ZFHX3: variants seen among roughly 807,000 people sequenced by gnomAD.
ZFHX3 encodes the protein zinc finger homeobox 3.
ZFHX3 carries 42 observed loss-of-function variants against 279.1 expected under a neutral mutation model. The ratio of observed to expected loss-of-function variants is 0.15; its 90% confidence interval spans 0.12 to 0.19. The LOEUF (loss-of-function observed/expected upper bound fraction) is 0.19. Among genes scored for constraint, ZFHX3 ranks in the 10% least tolerant of loss-of-function variants. The pLI, the probability that ZFHX3 is intolerant of heterozygous loss-of-function variation, is 1.00. For synonymous variants in ZFHX3, 2,293 were observed against 1,957.8 expected (o/e 1.17, Z -4.52); for missense variants, 4,981 against 4,754.0 (o/e 1.05, Z -1.40).
At chr16:73,221,785 T>C (rs915729628) in intron 5 of ZFHX3, among the ~76,000 whole-genome samples, 3 of 152,086 alleles carry the variant, frequency 2.0e-5, no homozygotes, top group African/African-American at 7.2e-5. Context: ...AACTATAAAG[T>C]ACTATTCAAA....
intron 1 of ZFHX3, among the ~76,000 whole-genome samples, chr16:73,022,888 A>G (rs1597102998): frequency 2.0e-5 from 3 of 151,744 alleles, no homozygotes; most frequent in African/African-American, 4.8e-5. Context: ...TTTTTTCAAG[A>G]GAAGGTTTTA....
At chr16:73,831,896 G>A (rs1274758409) in intron 1 of ZFHX3, among the ~76,000 whole-genome samples, 2 of 152,036 alleles carry the variant, frequency 1.3e-5, no homozygotes, top group Non-Finnish European at 2.9e-5. Flanking sequence ...AGTTTCATCT[G>A]GCTTCTTTGT....
chr16:73,115,250 C>T lies in ZFHX3; in HGVS notation c.-897+15718G>A, dbSNP rs984557315. On this transcript the variant is annotated intron_variant, in intron 7 of 17. Transcript: ENST00000641206. ...AAGGTCTACCACTGCCCCAAGATTACGGGGTCCAGGCCAGGCGTGATGGCT... is the reference window on the plus strand; with the variant it reads ...AAGGTCTACCACTGCCCCAAGATTATGGGGTCCAGGCCAGGCGTGATGGCT... Among the ~76,000 whole-genome samples, 21 of 151,652 alleles carry T rather than the reference C, an allele frequency of 1.4e-4. 2 individuals are homozygous for T. The highest frequency in any genetic ancestry group is 1.9e-4 in the East Asian group (1 of 5,158).
At chr16:73,197,589 T>A (rs960235351) in intron 5 of ZFHX3, among the ~76,000 whole-genome samples, 7 of 152,226 alleles carry the variant, frequency 4.6e-5, no homozygotes, top group Non-Finnish European at 1.0e-4. Context: ...ATCTGGATAT[T>A]TCAGAGAAAA....
intron 1 of ZFHX3, among the ~76,000 whole-genome samples, chr16:72,977,415 C>T (rs1447639155): frequency 6.6e-6 from 1 of 152,136 alleles, no homozygotes. Flanking sequence ...CGCATGCTCA[C>T]GACACATGCT....
chr16:73,031,319 T>A (rs1334912505), intron 1 of ZFHX3, among the ~76,000 whole-genome samples: 2 of 151,976 alleles, frequency 1.3e-5, no homozygotes, highest in East Asian at 3.9e-4. Context: ...CAAACCCAAA[T>A]GTTCACACCA....
intron 3 of ZFHX3, among the ~76,000 whole-genome samples, chr16:72,946,254 T>G (rs1267596540): frequency 1.3e-5 from 2 of 152,200 alleles, no homozygotes; most frequent in East Asian, 3.9e-4. Flanking sequence ...AGAGTTGGCT[T>G]GGACACTGGC....
intron 7 of ZFHX3, among the ~76,000 whole-genome samples, chr16:73,121,679 G>T (rs1032864859): frequency 6.7e-6 from 1 of 148,554 alleles, no homozygotes; most frequent in Admixed American, 6.7e-5. Context: ...GCAGTGGCTC[G>T]ATCTCGGCTC....
At chr16:72,792,723 T>C (rs2035754199) in intron 9 of ZFHX3, among the ~76,000 whole-genome samples, 1 of 152,218 alleles carries the variant, frequency 6.6e-6, no homozygotes, top group South Asian at 2.1e-4. Context: ...GTGCTGGGAT[T>C]ACAGGCATGA....
At chr16:73,184,465 T>G (rs1419204168) in intron 5 of ZFHX3, among the ~76,000 whole-genome samples, 1 of 152,216 alleles carries the variant, frequency 6.6e-6, no homozygotes, top group African/African-American at 2.4e-5. Context: ...GTTTATGGCT[T>G]GGCTGCTTCT....
intron 4 of ZFHX3, among the ~76,000 whole-genome samples, chr16:73,287,122 G>A (rs935273573): frequency 8.1e-5 from 12 of 147,616 alleles, no homozygotes; most frequent in East Asian, 6.4e-4. Context: ...GTGGGTCAGC[G>A]TGTCGGTGTG....
At position 72,793,457 on chromosome 16, in the gene ZFHX3, C is replaced by G. The variant is rs890960768; in HGVS notation, c.9225G>C (p.Leu3075Phe). Residue 3075 changes from leucine to phenylalanine, a missense_variant, in exon 9 of 10, where the codon TTG becomes TTC. Leu to Phe is a conservative substitution (Grantham distance 22). Coordinates refer to ENST00000268489, the MANE Select transcript of ZFHX3 (RefSeq NM_006885.4). This position sits in a 1 kb window ranked among gnomAD's most constrained non-coding sequence, Gnocchi z 4.3. ...TCCGGTCCAACTCTTGTTGAGCCATCAACTGACGTACGGTGGCTGGGTCAA... is the reference window on the plus strand; with the variant it reads ...TCCGGTCCAACTCTTGTTGAGCCATGAACTGACGTACGGTGGCTGGGTCAA... ...EYFDPATVRQLMAQQELDRIK... is the reference protein window; with the variant it reads ...EYFDPATVRQFMAQQELDRIK... 4 of 1,614,076 alleles carry G rather than the reference C, an allele frequency of 2.5e-6. No homozygotes were observed. The highest frequency in any genetic ancestry group is 1.1e-5 in the South Asian group (1 of 91,078).
intron 1 of ZFHX3, among the ~76,000 whole-genome samples, chr16:73,857,817 T>C (rs1208230375): frequency 6.6e-6 from 1 of 152,272 alleles, no homozygotes; most frequent in East Asian, 1.9e-4. Context: ...ATCAAAAATA[T>C]GTCCCTGGGC....
chr16:73,416,699 C>A (rs1046336511), intron 3 of ZFHX3, among the ~76,000 whole-genome samples: 4 of 151,872 alleles, frequency 2.6e-5, no homozygotes, highest in Non-Finnish European at 5.9e-5. Flanking sequence ...TGGTGAAACC[C>A]CCGTCTCTAC....
intron 2 of ZFHX3, among the ~76,000 whole-genome samples, chr16:73,629,238 A>C (rs1180777699): frequency 6.6e-6 from 1 of 152,156 alleles, no homozygotes; most frequent in Non-Finnish European, 1.5e-5. Context: ...ACTCGCTTCC[A>C]ACCCTGCCCT....
At chr16:73,856,790 A>G (rs1961740141) in intron 1 of ZFHX3, among the ~76,000 whole-genome samples, 1 of 152,250 alleles carries the variant, frequency 6.6e-6, no homozygotes, top group African/African-American at 2.4e-5. Context: ...AATAAAAACA[A>G]TAATGTCTGC....
At chr16:73,252,713 C>T (rs1487480204) in intron 5 of ZFHX3, among the ~76,000 whole-genome samples, 1 of 151,686 alleles carries the variant, frequency 6.6e-6, no homozygotes, top group Non-Finnish European at 1.5e-5. Flanking sequence ...CATGGACTGA[C>T]GATGAAGAAA....
At chr16:73,856,713 C>A (rs914729999) in intron 1 of ZFHX3, among the ~76,000 whole-genome samples, 5 of 152,140 alleles carry the variant, frequency 3.3e-5, no homozygotes, top group Non-Finnish European at 7.3e-5. Flanking sequence ...ATACCATAAT[C>A]AGGAATGTTC....
intron 7 of ZFHX3, among the ~76,000 whole-genome samples, chr16:72,806,551 C>G (rs1229359231): frequency 1.3e-5 from 2 of 152,108 alleles, no homozygotes; most frequent in Non-Finnish European, 2.9e-5. Context: ...TTTTCATTAC[C>G]TTCCTCTTAA....
Sources: gnomAD v4.1 joint callset for allele counts (sites outside exome capture counted in the v4.1 genomes callset) on GRCh38, gnomAD v4.1.1 for gene constraint, Gnocchi (gnomAD v3.1) non-coding constraint, MANE v1.5 for transcripts, NCBI Gene and HGNC (gene_info 2026-07-23, HGNC 2026-07-21) for gene names.